ASIC2: variants seen among roughly 807,000 people sequenced by gnomAD.
The protein encoded by ASIC2 is acid-sensing ion channel 2.
ASIC2 carries 25 observed loss-of-function variants against 57.3 expected under a neutral mutation model. That is an observed-to-expected ratio of 0.44 (90% CI 0.32 to 0.61). The LOEUF (loss-of-function observed/expected upper bound fraction) is 0.61. Among genes scored for constraint, ASIC2 ranks in the 20% least tolerant of loss-of-function variants. The probability of loss-of-function intolerance (pLI) is 0.06; values close to 1 mark genes in which losing one functional copy is unlikely to be tolerated. For missense variants in ASIC2, 641 were observed against 738.1 expected, an observed-to-expected ratio of 0.87 and a Z score of 1.52; for synonymous variants, 319 against 307.5, an observed-to-expected ratio of 1.04 and a Z score of -0.39.
intron 1 of ASIC2, among the ~76,000 whole-genome samples, chr17:33,143,593 C>T (rs1904419281): frequency 6.6e-6 from 1 of 152,160 alleles, no homozygotes; most frequent in African/African-American, 2.4e-5. Flanking sequence ...TGAGTTAACT[C>T]CTGACTGTTG....
intron 1 of ASIC2, among the ~76,000 whole-genome samples, chr17:33,325,777 G>A (rs918741378): frequency 2.0e-5 from 3 of 152,094 alleles, no homozygotes; most frequent in African/African-American, 7.2e-5. Flanking sequence ...TGAAGGAGGG[G>A]CAGTGGTGAT....
chr17:33,054,940 T>C (rs1598255628), intron 3 of ASIC2, among the ~76,000 whole-genome samples: 1 of 152,198 alleles, frequency 6.6e-6, no homozygotes, highest in East Asian at 1.9e-4. Context: ...CATTAGCAGG[T>C]TCAAGGAGCT....
At chr17:33,937,918 G>A (rs9906069) in intron 1 of ASIC2, among the ~76,000 whole-genome samples, 1 of 152,010 alleles carries the variant, frequency 6.6e-6, no homozygotes, top group African/African-American at 2.4e-5. Context: ...TCCTTTGTGG[G>A]CAACATTGCC....
intron 1 of ASIC2, among the ~76,000 whole-genome samples, chr17:33,454,975 A>T (rs1211951670): frequency 1.3e-5 from 2 of 152,212 alleles, no homozygotes; most frequent in Non-Finnish European, 1.5e-5. Context: ...TTGAATTCCA[A>T]CATACGAATT....
intron 1 of ASIC2, among the ~76,000 whole-genome samples, chr17:33,800,056 T>C (rs1912086830): frequency 6.6e-6 from 1 of 152,202 alleles, no homozygotes; most frequent in South Asian, 2.1e-4. Flanking sequence ...TGAGACCTCC[T>C]GCACTTTATG....
chr17:33,305,101 G>C (rs74686953), intron 1 of ASIC2, among the ~76,000 whole-genome samples: 1,714 of 152,312 alleles, frequency 0.011, 12 homozygotes, highest in Non-Finnish European at 0.019. Context: ...ATTGAGGCTA[G>C]TAACGTGGCA....
At chr17:33,997,947 G>A (rs1479823343) in intron 1 of ASIC2, among the ~76,000 whole-genome samples, 1 of 152,084 alleles carries the variant, frequency 6.6e-6, no homozygotes, top group African/African-American at 2.4e-5. Context: ...GAGAAGAATT[G>A]GCATTATTTT....
intron 3 of ASIC2, among the ~76,000 whole-genome samples, chr17:33,070,613 G>C (rs1403763411): frequency 6.6e-6 from 1 of 152,128 alleles, no homozygotes; most frequent in African/African-American, 2.4e-5. Context: ...TGGGATTACA[G>C]GTGTGAGCCA....
At chr17:33,152,298 C>T (rs1188309096) in intron 1 of ASIC2, among the ~76,000 whole-genome samples, 1 of 152,146 alleles carries the variant, frequency 6.6e-6, no homozygotes, top group Non-Finnish European at 1.5e-5. Context: ...GAGGAGCCCA[C>T]ACTTCTACAA....
chr17:33,684,211 C>CAA (rs1317173247), intron 1 of ASIC2, among the ~76,000 whole-genome samples: 1 of 152,146 alleles, frequency 6.6e-6, no homozygotes, highest in African/African-American at 2.4e-5. Context: ...TGTCCAAAAG[C>CAA]AAAATGCTGC....
chr17:34,008,546 G>C (rs1906605773), intron 1 of ASIC2, among the ~76,000 whole-genome samples: 1 of 152,198 alleles, frequency 6.6e-6, no homozygotes, highest in African/African-American at 2.4e-5. Context: ...GAGAAAATCA[G>C]CAAGCTGAAC....
chr17:33,169,417 G>A (rs1002429983), intron 1 of ASIC2, among the ~76,000 whole-genome samples: 6 of 152,116 alleles, frequency 3.9e-5, no homozygotes, highest in Admixed American at 1.3e-4. Flanking sequence ...TCAGAGATTC[G>A]CTGTGAAAAT....
intron 1 of ASIC2, among the ~76,000 whole-genome samples, chr17:33,556,122 T>A (rs1915899579): frequency 6.6e-6 from 1 of 152,166 alleles, no homozygotes; most frequent in Non-Finnish European, 1.5e-5. Flanking sequence ...GGTAGACAAG[T>A]GTAATGGCTG....
chr17:33,811,928 G>T (rs940726451), intron 1 of ASIC2, among the ~76,000 whole-genome samples: 1 of 152,116 alleles, frequency 6.6e-6, no homozygotes, highest in Non-Finnish European at 1.5e-5. Flanking sequence ...CATTCTTCAA[G>T]ACCTAGTTTA....
At chr17:33,914,636 A>G (rs1227176523) in intron 1 of ASIC2, among the ~76,000 whole-genome samples, 1 of 152,190 alleles carries the variant, frequency 6.6e-6, no homozygotes, top group Non-Finnish European at 1.5e-5. Flanking sequence ...CACATAAAGA[A>G]GTTGAGGACA....
chr17:33,505,612 A>G (rs1914224430), intron 1 of ASIC2, among the ~76,000 whole-genome samples: 2 of 152,212 alleles, frequency 1.3e-5, no homozygotes, highest in South Asian at 2.1e-4. Context: ...CCATATTGCA[A>G]AGACCCTCTG....
intron 1 of ASIC2, among the ~76,000 whole-genome samples, chr17:33,787,863 A>G (rs1911653749): frequency 2.0e-5 from 3 of 152,218 alleles, no homozygotes; most frequent in Admixed American, 6.5e-5. Context: ...ATTTTTCATT[A>G]GTGGTTTAGG....
intron 1 of ASIC2, among the ~76,000 whole-genome samples, chr17:33,286,997 G>A (rs1464790909): frequency 1.3e-5 from 2 of 152,170 alleles, no homozygotes; most frequent in Admixed American, 6.5e-5. Context: ...ATAATTATAT[G>A]AATAGTAATT....
intron 1 of ASIC2, among the ~76,000 whole-genome samples, chr17:33,590,868 G>C (rs1420243332): frequency 6.6e-6 from 1 of 152,226 alleles, no homozygotes; most frequent in Non-Finnish European, 1.5e-5. Flanking sequence ...CCCTCCAAGA[G>C]TTGGTTTCCA....
Sources: allele counts gnomAD v4.1 joint callset (sites outside exome capture counted in the v4.1 genomes callset), GRCh38; gene constraint gnomAD v4.1.1; transcripts MANE v1.5; gene names NCBI Gene and HGNC (gene_info 2026-07-23, HGNC 2026-07-21).